AIG1: variants seen among roughly 807,000 people sequenced by gnomAD.
AIG1 encodes the protein androgen induced 1, also known as androgen-induced gene 1 protein.
Under a neutral mutation model 31.4 loss-of-function variants are expected in AIG1, and 23 were observed. The observed-to-expected ratio is 0.73, with a 90% CI of 0.53 to 1.04. The LOEUF is 1.04. Ranked by LOEUF, AIG1 falls within the 50% of genes least tolerant of loss-of-function variation. The pLI is 0.00. For synonymous variants in AIG1, 100 were observed against 110.5 expected (o/e 0.90, Z 0.60); for missense variants, 274 against 295.0 (o/e 0.93, Z 0.52).
intron 1 of AIG1, among the ~76,000 whole-genome samples, chr6:143,071,287 C>A (rs1380545157): frequency 6.6e-6 from 1 of 152,116 alleles, no homozygotes; most frequent in African/African-American, 2.4e-5. Context: ...TTTTTAATTG[C>A]TAGTAGTATT....
chr6:143,209,538 G>T (rs1791425498), intron 3 of AIG1, among the ~76,000 whole-genome samples: 1 of 152,128 alleles, frequency 6.6e-6, no homozygotes, highest in African/African-American at 2.4e-5. Flanking sequence ...ACTGGCCATT[G>T]CTGGTTCTGA....
In AIG1 at chr6:143,292,373, G is replaced by A. The variant is rs1469680576; in HGVS notation, c.515+8148G>A. On this transcript the variant is annotated intron_variant, in intron 4 of 5. Coordinates refer to ENST00000357847, the MANE Select transcript of AIG1 (RefSeq NM_016108.4). The surrounding 1 kb of genome is among the most constrained non-coding windows in gnomAD (Gnocchi z 4.9). ...AGAGTGGAGAGCCATTCACAACTGT[G>A]GTCAGAGAGAGACATGACTGCCGAA... 6.6e-6 allele frequency among the ~76,000 whole-genome samples: 1 copy of A among 152,176 alleles called. No homozygotes were observed. The highest frequency in any genetic ancestry group is 1.5e-5 in the Non-Finnish European group (1 of 68,030).
chr6:143,339,799 A>G lies in AIG1; in HGVS notation c.*123A>G. On this transcript the variant is annotated 3_prime_UTR_variant, in exon 6 of 6. Transcript: ENST00000357847. ...GGTGGCATCAGCACCCCCCTCCCCC[A>G]ATGAGGACACCTTTTATATATAAAT... is the stretch of plus-strand genomic sequence containing the variant. 2.4e-6 allele frequency: 2 copies of G among 845,986 alleles called. No homozygotes were observed. Among genetic ancestry groups the G allele is most frequent in the Non-Finnish European group, 3.7e-6 (2 of 539,352 alleles). 52.4% of individuals were successfully genotyped at this position (845,986 alleles called of 1,614,324 possible).
chr6:143,167,439 G>A (rs1787073343), intron 3 of AIG1, among the ~76,000 whole-genome samples: 1 of 152,164 alleles, frequency 6.6e-6, no homozygotes, highest in Admixed American at 6.6e-5. Context: ...GAGAGACTTT[G>A]CTGACAACAA....
intron 5 of AIG1, chr6:143,337,985 A>G (rs2128726843): frequency 2.5e-6 from 1 of 398,622 alleles, no homozygotes; most frequent in East Asian, 3.6e-5. Flanking sequence ...CAGCTGCCAA[A>G]CTAAAGTAGG....
rs577990226 is a variant in AIG1 at position 143,280,542 on chromosome 6, TAA to T, written c.400-3563_400-3562del. ...TACACCACAGAATACTATGCAGCCG[TAA>T]AAAAGAGTGAGATCACGTCTTTTGC... On this transcript the variant is annotated intron_variant, in intron 3 of 5. Coordinates refer to ENST00000357847, the MANE Select transcript of AIG1 (RefSeq NM_016108.4). This position sits in a 1 kb window ranked among gnomAD's most constrained non-coding sequence, Gnocchi z 4.1. Among the ~76,000 whole-genome samples the T allele has an allele frequency of 1.3e-5, 2 of 152,164 alleles. No individual in the cohort carries two copies. The highest frequency in any genetic ancestry group is 2.9e-5 in the Non-Finnish European group (2 of 68,022).
chr6:143,265,769 C>CA (rs1796110609), intron 3 of AIG1, among the ~76,000 whole-genome samples: 2 of 152,276 alleles, frequency 1.3e-5, no homozygotes, highest in East Asian at 3.9e-4. Context: ...CTTAAAGTGA[C>CA]AAAAAGTAAC....
At chr6:143,302,556 A>G (rs1408623437) in intron 4 of AIG1, among the ~76,000 whole-genome samples, 5 of 152,144 alleles carry the variant, frequency 3.3e-5, no homozygotes, top group African/African-American at 1.2e-4. Context: ...ACATGAACTC[A>G]TCATTTTTTA....
At chr6:143,315,269 A>G (rs1473854583) in intron 4 of AIG1, among the ~76,000 whole-genome samples, 1 of 152,106 alleles carries the variant, frequency 6.6e-6, no homozygotes, top group Non-Finnish European at 1.5e-5. Flanking sequence ...AAAAGGGTTT[A>G]ATGTAAGCCT....
intron 1 of AIG1, among the ~76,000 whole-genome samples, chr6:143,074,034 A>C (rs1469576296): frequency 6.6e-6 from 1 of 152,162 alleles, no homozygotes; most frequent in Non-Finnish European, 1.5e-5. Flanking sequence ...GGTGATTTTT[A>C]TGTCTTATTT....
At chr6:143,303,184 A>G (rs1164021893) in intron 4 of AIG1, among the ~76,000 whole-genome samples, 5 of 150,890 alleles carry the variant, frequency 3.3e-5, no homozygotes, top group Non-Finnish European at 1.5e-5. Flanking sequence ...TTGCCTGTTC[A>G]CTCTGATGGT....
chr6:143,153,599 G>C (rs1466632543), intron 2 of AIG1, among the ~76,000 whole-genome samples: 3 of 152,008 alleles, frequency 2.0e-5, no homozygotes, highest in Non-Finnish European at 1.5e-5. Context: ...CACCTGCCTC[G>C]GCCTCCCAAA....
intron 3 of AIG1, among the ~76,000 whole-genome samples, chr6:143,180,417 T>C (rs932978000): frequency 6.6e-6 from 1 of 152,254 alleles, no homozygotes; most frequent in Non-Finnish European, 1.5e-5. Flanking sequence ...GGAGAAGCAC[T>C]GTCGTTATTC....
Position 143,297,320 on chromosome 6 carries a change from G to A in AIG1, c.515+13095G>A, listed in dbSNP as rs1285346297. 6.6e-6 allele frequency among the ~76,000 whole-genome samples: 1 copy of A among 152,164 alleles called. No homozygotes were observed. Among genetic ancestry groups the A allele is most frequent in the Non-Finnish European group, 1.5e-5 (1 of 68,028 alleles). ...GCAGTTCAGTGCACCTGGACCCATTGACATTTTGCCCTCCTCCTGTCACTG... is the reference window on the plus strand; with the variant it reads ...GCAGTTCAGTGCACCTGGACCCATTAACATTTTGCCCTCCTCCTGTCACTG... On this transcript the variant is annotated intron_variant, in intron 4 of 5. Coordinates refer to ENST00000357847, the MANE Select transcript of AIG1 (RefSeq NM_016108.4). This position sits in a 1 kb window ranked among gnomAD's most constrained non-coding sequence, Gnocchi z 5.1.
intron 3 of AIG1, among the ~76,000 whole-genome samples, chr6:143,168,920 A>C (rs1005444653): frequency 6.6e-6 from 1 of 152,072 alleles, no homozygotes; most frequent in East Asian, 1.9e-4. Context: ...CTATCAGTAG[A>C]GCGAACATTT....
At chr6:143,107,697 A>ATTCT (rs998942618) in intron 1 of AIG1, among the ~76,000 whole-genome samples, 3 of 152,202 alleles carry the variant, frequency 2.0e-5, no homozygotes, top group African/African-American at 7.2e-5. Flanking sequence ...GAGGGGAAGA[A>ATTCT]TTCTAGGTCA....
At position 143,340,038 on chromosome 6, in the gene AIG1, A is replaced by C. The variant is rs1777793396; in HGVS notation, c.*362A>C. The C allele has an allele frequency of 1.6e-5, 3 of 187,580 alleles. No individual in the cohort carries two copies. In the South Asian group the frequency reaches 3.6e-4, roughly 23 times the overall value. The allele number at this position is 187,580 out of a possible 1,614,324, so 11.6% of individuals were successfully genotyped here. On this transcript the variant is annotated 3_prime_UTR_variant, in exon 6 of 6. Transcript: ENST00000357847. ...CACTTCTTTTTGAGAAATATGTTAA[A>C]GTCAAAGGGGCATATATAGAGTAAG...
At chr6:143,271,209 A>G (rs904767114) in intron 3 of AIG1, among the ~76,000 whole-genome samples, 3 of 152,246 alleles carry the variant, frequency 2.0e-5, no homozygotes, top group African/African-American at 7.2e-5. Context: ...ATGCCAGTGC[A>G]TCCCAGCTCC....
intron 1 of AIG1, among the ~76,000 whole-genome samples, chr6:143,131,669 C>G (rs563017457): frequency 3.3e-5 from 5 of 152,328 alleles, no homozygotes; most frequent in Admixed American, 3.3e-4. Context: ...GAATCTTAGT[C>G]TCACAATGTC....
Sources: allele counts gnomAD v4.1 joint callset (sites outside exome capture counted in the v4.1 genomes callset), GRCh38; gene constraint gnomAD v4.1.1; non-coding constraint Gnocchi (gnomAD v3.1); transcripts MANE v1.5; gene names NCBI Gene and HGNC (gene_info 2026-07-23, HGNC 2026-07-21).